CACNA2D3: variants seen among roughly 807,000 people sequenced by gnomAD.
CACNA2D3 encodes calcium voltage-gated channel auxiliary subunit alpha2delta 3, also known as voltage-dependent calcium channel subunit alpha-2/delta-3.
Under a neutral mutation model 160.6 loss-of-function variants are expected in CACNA2D3, and 60 were observed. The ratio of observed to expected loss-of-function variants is 0.37; its 90% CI spans 0.30 to 0.46. CACNA2D3 has a LOEUF of 0.46. Among genes scored for constraint, CACNA2D3 ranks in the 20% least tolerant of loss-of-function variants. The pLI is 1.00. For synonymous variants in CACNA2D3, 558 were observed against 492.9 expected (o/e 1.13, Z -1.75); for missense variants, 1,205 against 1,365.0 (o/e 0.88, Z 1.85).
chr3:54,477,443 C>T (rs920419020), intron 4 of CACNA2D3, among the ~76,000 whole-genome samples: 8 of 152,208 alleles, frequency 5.3e-5, no homozygotes, highest in African/African-American at 1.9e-4. Flanking sequence ...CTTCCTCCAC[C>T]CCAGCCTGCT....
chr3:55,024,857 G>A (rs1282416666), intron 35 of CACNA2D3, among the ~76,000 whole-genome samples: 2 of 152,112 alleles, frequency 1.3e-5, no homozygotes, highest in Admixed American at 6.5e-5. Flanking sequence ...AAAAGCTATA[G>A]CATATATGTC....
intron 31 of CACNA2D3, among the ~76,000 whole-genome samples, chr3:54,988,941 A>T (rs934483158): frequency 3.3e-5 from 5 of 152,216 alleles, no homozygotes; most frequent in Non-Finnish European, 1.5e-5. Context: ...TCTAAAAAAA[A>T]TTCAAGTACA....
chr3:54,943,063 G>A (rs1403086863), intron 27 of CACNA2D3, among the ~76,000 whole-genome samples: 1 of 151,906 alleles, frequency 6.6e-6, no homozygotes, highest in African/African-American at 2.4e-5. Context: ...TTAACCATGT[G>A]TGGTAGCAGG....
intron 4 of CACNA2D3, among the ~76,000 whole-genome samples, chr3:54,402,251 T>G (rs1402979741): frequency 6.6e-6 from 1 of 151,858 alleles, no homozygotes; most frequent in African/African-American, 2.4e-5. Flanking sequence ...AGAATACAGT[T>G]AATAAAATGG....
At chr3:54,690,340 A>G (rs1700548970) in intron 11 of CACNA2D3, among the ~76,000 whole-genome samples, 1 of 151,878 alleles carries the variant, frequency 6.6e-6, no homozygotes, top group Non-Finnish European at 1.5e-5. Flanking sequence ...ATACTTTATA[A>G]TTTACTTATT....
chr3:54,209,580 C>T (rs543673043), intron 2 of CACNA2D3, among the ~76,000 whole-genome samples: 2 of 152,102 alleles, frequency 1.3e-5, no homozygotes, highest in Non-Finnish European at 2.9e-5. Flanking sequence ...TAAAGAAAAG[C>T]GTAATGTGAA....
intron 5 of CACNA2D3, among the ~76,000 whole-genome samples, chr3:54,534,161 T>C (rs938150489): frequency 6.6e-6 from 1 of 152,282 alleles, no homozygotes. Flanking sequence ...GCCTCTTAAG[T>C]GACAGTTCTT....
chr3:54,484,537 C>G (rs1428977319), intron 4 of CACNA2D3, among the ~76,000 whole-genome samples: 2 of 152,202 alleles, frequency 1.3e-5, no homozygotes, highest in Non-Finnish European at 2.9e-5. Context: ...TTGGTAGTCT[C>G]TTCCCCTAAT....
chr3:54,356,579 G>C (rs1480298415), intron 3 of CACNA2D3, among the ~76,000 whole-genome samples: 1 of 152,182 alleles, frequency 6.6e-6, no homozygotes, highest in Non-Finnish European at 1.5e-5. Context: ...CTGGCTCACA[G>C]ATGCTGCCAG....
chr3:54,146,596 G>C (rs58318869), intron 2 of CACNA2D3, among the ~76,000 whole-genome samples: 7,390 of 152,310 alleles, frequency 0.049, 198 homozygotes, highest in Admixed American at 0.088. Flanking sequence ...TGTGGGGAAG[G>C]GGGGCGTGGC....
intron 27 of CACNA2D3, among the ~76,000 whole-genome samples, chr3:54,937,811 C>A (rs539474583): frequency 3.3e-5 from 5 of 152,044 alleles, no homozygotes; most frequent in Non-Finnish European, 7.3e-5. Context: ...TAGGGACTAG[C>A]AGAAGGCGGG....
intron 2 of CACNA2D3, among the ~76,000 whole-genome samples, chr3:54,286,820 C>T (rs1359243072): frequency 6.6e-6 from 1 of 151,842 alleles, no homozygotes; most frequent in Non-Finnish European, 1.5e-5. Context: ...TCATATCCAG[C>T]CAAACTAAGC....
intron 11 of CACNA2D3, among the ~76,000 whole-genome samples, chr3:54,704,897 A>AT (rs1186421198): frequency 6.6e-6 from 1 of 151,950 alleles, no homozygotes; most frequent in Non-Finnish European, 1.5e-5. Context: ...CCCCACCCCC[A>AT]TTTCTACAGG....
At chr3:54,563,427 G>C (rs1702358537) in intron 6 of CACNA2D3, among the ~76,000 whole-genome samples, 1 of 152,304 alleles carries the variant, frequency 6.6e-6, no homozygotes, top group Non-Finnish European at 1.5e-5. Flanking sequence ...AGGCGTCGCT[G>C]ACGGCAAGAA....
At chr3:54,767,609 A>T (rs1034659952) in intron 13 of CACNA2D3, among the ~76,000 whole-genome samples, 2 of 152,070 alleles carry the variant, frequency 1.3e-5, no homozygotes, top group Non-Finnish European at 2.9e-5. Context: ...AACACTCCCC[A>T]CTAAGAGGAG....
chr3:54,861,079 G>T (rs1312535776), intron 17 of CACNA2D3, among the ~76,000 whole-genome samples: 1 of 152,130 alleles, frequency 6.6e-6, no homozygotes, highest in Non-Finnish European at 1.5e-5. Context: ...TGGTGAACCT[G>T]AAATAGTCTT....
At chr3:54,773,707 T>C (rs895986050) in intron 13 of CACNA2D3, among the ~76,000 whole-genome samples, 7 of 152,198 alleles carry the variant, frequency 4.6e-5, no homozygotes, top group African/African-American at 1.7e-4. Flanking sequence ...ATGTTAAAAA[T>C]ATGAGTGTAT....
At chr3:54,246,281 T>A (rs186665783) in intron 2 of CACNA2D3, among the ~76,000 whole-genome samples, 51 of 152,360 alleles carry the variant, frequency 3.3e-4, no homozygotes, top group African/African-American at 1.2e-3. Context: ...GTTCCTCTAT[T>A]TTCTTTTTGC....
chr3:54,793,607 C>A (rs560199669), intron 13 of CACNA2D3, among the ~76,000 whole-genome samples: 6 of 152,206 alleles, frequency 3.9e-5, no homozygotes, highest in Admixed American at 1.3e-4. Context: ...AAGCCTCTTA[C>A]AGCCCTCGCC....
Sources: allele counts gnomAD v4.1 joint callset (sites outside exome capture counted in the v4.1 genomes callset), GRCh38; gene constraint gnomAD v4.1.1; transcripts MANE v1.5; gene names NCBI Gene and HGNC (gene_info 2026-07-23, HGNC 2026-07-21).